Variants in GPC6 observed in about 807,000 individuals in gnomAD.
GPC6 encodes the protein glypican 6.
A neutral mutation model predicts 55.2 loss-of-function variants in GPC6; 14 were observed. That is an observed-to-expected ratio of 0.25 (90% CI 0.17 to 0.40). The LOEUF is 0.40. GPC6 is among the 10% of genes least tolerant of loss of function. GPC6 has a pLI of 1.00. For missense variants in GPC6, 641 were observed against 708.5 expected, an observed-to-expected ratio of 0.90 and a Z score of 1.08; for synonymous variants, 278 against 259.6, an observed-to-expected ratio of 1.07 and a Z score of -0.68.
chr13:93,684,696 A>T (rs1881982975), intron 2 of GPC6, among the ~76,000 whole-genome samples: 1 of 152,104 alleles, frequency 6.6e-6, no homozygotes, highest in African/African-American at 2.4e-5. Flanking sequence ...ACAGTACCTG[A>T]CACTCAGTTG....
At chr13:93,385,267 C>T (rs1233550625) in intron 1 of GPC6, among the ~76,000 whole-genome samples, 3 of 152,134 alleles carry the variant, frequency 2.0e-5, no homozygotes, top group Non-Finnish European at 2.9e-5. Flanking sequence ...GTGGACACCA[C>T]TGGAGAAGGG....
chr13:93,300,275 C>G (rs927258493), intron 1 of GPC6, among the ~76,000 whole-genome samples: 1 of 152,144 alleles, frequency 6.6e-6, no homozygotes, highest in African/African-American at 2.4e-5. Context: ...TTTCTTTGCA[C>G]TACATTACTG....
At chr13:94,032,625 G>T (rs562879037) in intron 4 of GPC6, among the ~76,000 whole-genome samples, 3 of 152,274 alleles carry the variant, frequency 2.0e-5, no homozygotes, top group African/African-American at 4.8e-5. Context: ...GAACTGATGA[G>T]ATTTGTGTTA....
chr13:93,764,235 A>G (rs978405496), intron 2 of GPC6, among the ~76,000 whole-genome samples: 1 of 152,118 alleles, frequency 6.6e-6, no homozygotes, highest in Non-Finnish European at 1.5e-5. Context: ...GGAGAGGGGA[A>G]TAAACAAATC....
intron 1 of GPC6, among the ~76,000 whole-genome samples, chr13:93,334,830 C>T (rs1566304634): frequency 6.6e-6 from 1 of 152,102 alleles, no homozygotes; most frequent in Non-Finnish European, 1.5e-5. Context: ...TTTAAAATGT[C>T]TTTTAATAAA....
At chr13:93,330,497 A>G (rs568225698) in intron 1 of GPC6, among the ~76,000 whole-genome samples, 10 of 151,818 alleles carry the variant, frequency 6.6e-5, no homozygotes, top group African/African-American at 2.2e-4. Context: ...ACTGTACTCC[A>G]GCCTGGGTGC....
intron 3 of GPC6, among the ~76,000 whole-genome samples, chr13:93,926,667 T>G (rs1877872966): frequency 6.6e-6 from 1 of 152,236 alleles, no homozygotes; most frequent in Non-Finnish European, 1.5e-5. Context: ...TTCCATAATT[T>G]TAGCCTAGTG....
At chr13:93,469,837 A>T (rs890698718) in intron 1 of GPC6, among the ~76,000 whole-genome samples, 1 of 152,090 alleles carries the variant, frequency 6.6e-6, no homozygotes, top group Non-Finnish European at 1.5e-5. Flanking sequence ...CTGCATGTGG[A>T]TGTTGAATGG....
chr13:94,168,256 T>C (rs1268580172), intron 4 of GPC6, among the ~76,000 whole-genome samples: 2 of 152,220 alleles, frequency 1.3e-5, no homozygotes, highest in South Asian at 2.1e-4. Context: ...GTGCCCCTTC[T>C]GTGATACTGG....
At chr13:94,011,466 G>C (rs1424098516) in intron 3 of GPC6, among the ~76,000 whole-genome samples, 1 of 151,838 alleles carries the variant, frequency 6.6e-6, no homozygotes, top group African/African-American at 2.4e-5. Context: ...TGCTTTTGTT[G>C]GTATATTCTC....
intron 2 of GPC6, among the ~76,000 whole-genome samples, chr13:93,565,953 A>G (rs1288441188): frequency 6.6e-6 from 1 of 152,044 alleles, no homozygotes; most frequent in African/African-American, 2.4e-5. Flanking sequence ...AAAAGAAAAA[A>G]AAAACACATC....
At chr13:93,714,305 A>G (rs551926174) in intron 2 of GPC6, among the ~76,000 whole-genome samples, 4 of 152,050 alleles carry the variant, frequency 2.6e-5, no homozygotes, top group Admixed American at 6.6e-5. Context: ...AAAAGAAGAC[A>G]TAATCAGCCA....
intron 4 of GPC6, among the ~76,000 whole-genome samples, chr13:94,175,634 AG>A (rs1400413711): frequency 1.3e-5 from 2 of 151,994 alleles, no homozygotes; most frequent in Non-Finnish European, 2.9e-5. Flanking sequence ...GGAGTATGAG[AG>A]TCTAGATGTA....
intron 3 of GPC6, among the ~76,000 whole-genome samples, chr13:93,925,716 TG>T (rs1306504997): frequency 6.6e-6 from 1 of 152,222 alleles, no homozygotes; most frequent in Non-Finnish European, 1.5e-5. Context: ...AGTACAGCTG[TG>T]AAGACTTGTC....
chr13:93,789,893 T>C (rs1400484056), intron 2 of GPC6, among the ~76,000 whole-genome samples: 4 of 151,882 alleles, frequency 2.6e-5, no homozygotes, highest in South Asian at 2.1e-4. Flanking sequence ...TTTCTTTTTA[T>C]ATTCTTATTT....
intron 3 of GPC6, among the ~76,000 whole-genome samples, chr13:93,856,635 T>G (rs981468614): frequency 6.6e-6 from 1 of 151,772 alleles, no homozygotes; most frequent in African/African-American, 2.4e-5. Flanking sequence ...TCCTGATGCC[T>G]GAACTAATTT....
intron 1 of GPC6, among the ~76,000 whole-genome samples, chr13:93,454,190 G>A (rs1188954903): frequency 6.8e-6 from 1 of 148,036 alleles, no homozygotes; most frequent in Non-Finnish European, 1.5e-5. Flanking sequence ...CAAACCTTGA[G>A]CTAGATACAG....
At chr13:93,218,468 A>T in the GPC6 span, among the ~76,000 whole-genome samples, 1 of 152,204 alleles carries the variant, frequency 6.6e-6, no homozygotes, top group African/African-American at 2.4e-5. Flanking sequence ...TTTCCTATCC[A>T]TAGGTCTAAA....
intron 4 of GPC6, among the ~76,000 whole-genome samples, chr13:94,096,120 A>G (rs140511137): frequency 6.6e-6 from 1 of 152,216 alleles, no homozygotes; most frequent in Non-Finnish European, 1.5e-5. Context: ...CAGAAAGATT[A>G]GTTTTAATAG....
Sources: gnomAD v4.1 joint callset for allele counts (sites outside exome capture counted in the v4.1 genomes callset) on GRCh38, gnomAD v4.1.1 for gene constraint, MANE v1.5 for transcripts, NCBI Gene and HGNC (gene_info 2026-07-23, HGNC 2026-07-21) for gene names.